Variants in BTNL9 observed in about 807,000 individuals in gnomAD.
BTNL9 encodes butyrophilin-like protein 9.
Under a neutral mutation model 45.8 loss-of-function variants are expected in BTNL9, and 45 were observed. That is an observed-to-expected ratio of 0.98 (90% CI 0.77 to 1.26). The LOEUF is 1.26. Among genes scored for constraint, BTNL9 ranks in the 50% most tolerant of loss-of-function variants. BTNL9 has a pLI of 0.00. For synonymous variants in BTNL9, 346 were observed against 330.8 expected, an observed-to-expected ratio of 1.05 and a Z score of -0.50; for missense variants, 784 against 729.7, an observed-to-expected ratio of 1.07 and a Z score of -0.86.
rs189248343 is a variant in BTNL9, at chr5:181,048,718, T to C, written c.454+447T>C. Among the ~76,000 whole-genome samples the C allele has an allele frequency of 7.7e-4, 89 of 115,814 alleles. 3 individuals carry two copies. The Admixed American group carries it at 9.1e-3, about 12-fold the overall frequency. The allele number at this position is 115,814 out of a possible 152,430, so 76.0% of individuals were successfully genotyped here. On this transcript the variant is annotated intron_variant, in intron 3 of 10. Transcript: ENST00000327705. ...GGTGACAACTCTGTCTTGAAATATA[T>C]ATATATATCTATATATATATCTATC...
chr5:181,061,393 C>CT lies in BTNL9; in HGVS notation c.*1532dup. On this transcript the variant is annotated 3_prime_UTR_variant, in exon 11 of 11. Coordinates refer to ENST00000327705, the MANE Select transcript of BTNL9 (RefSeq NM_152547.5). ...GCGGGGAGAAGGATACACCAAAAAA[C>CT]TAAGTGATTATCTTTGGATGGGAAA... 6.6e-6 allele frequency: 1 copy of CT among 152,250 alleles called. No homozygotes were observed. Among genetic ancestry groups the CT allele is most frequent in the African/African-American group, 2.4e-5 (1 of 41,548 alleles). The allele number at this position is 152,250 out of a possible 1,614,324, so 9.4% of individuals were successfully genotyped here. A position where few individuals can be genotyped will look rare whatever the true frequency, so the allele number is the denominator to read the frequency against.
rs7379015 is a variant in BTNL9 at position 181,059,224 on chromosome 5, T to G, written c.983-13T>G. 1,300,151 of 1,525,504 alleles carry G rather than the reference T, an allele frequency of 0.85. 555,612 individuals are homozygous for G. Among genetic ancestry groups the G allele is most frequent in the Admixed American group, 0.87 (43,584 of 50,078 alleles). The allele number at this position is 1,525,504 out of a possible 1,614,324, so 94.5% of individuals were successfully genotyped here. ...CCGTCCCGGGCGGGCACTAACGCTG[T>G]GGCTCTGCGCAGTGGATGTGACGCT... On this transcript the variant is annotated splice_polypyrimidine_tract_variant and intron_variant, in intron 10 of 10. Coordinates refer to ENST00000327705, the MANE Select transcript of BTNL9 (RefSeq NM_152547.5).
At position 181,050,318 on chromosome 5, in the gene BTNL9, AT is replaced by A; in HGVS notation, c.686del (p.Ile229ThrfsTer6). 1 of 1,614,108 alleles carries A rather than the reference AT, an allele frequency of 6.2e-7. No individual in the cohort carries two copies. ...AGCCCTCAGCAATGTGTCCGTCTCC[AT>A]CCAGAATCTCCTCTTGAGCCAGAAG... is the stretch of plus-strand genomic sequence containing the variant. ...AGALSNVSVS[I>X]QNLLLSQKKE... On this transcript the variant is annotated frameshift_variant, in exon 4 of 11. Coordinates refer to ENST00000327705, the MANE Select transcript of BTNL9 (RefSeq NM_152547.5). LOFTEE classifies it high-confidence loss of function. This position sits in a 1 kb window ranked among gnomAD's most constrained non-coding sequence, Gnocchi z 4.9.
chr5:181,049,175 G>A (rs1190643146), intron 3 of BTNL9, among the ~76,000 whole-genome samples: 2 of 151,990 alleles, frequency 1.3e-5, no homozygotes, highest in East Asian at 3.8e-4. Flanking sequence ...AGGACTAGCT[G>A]TGTGGCTACC....
chr5:181,050,122 C>T lies in BTNL9; in HGVS notation c.489C>T (p.Gly163=). 6.2e-7 allele frequency: 1 copy of T among 1,614,032 alleles called. No homozygotes were observed. The highest frequency in any genetic ancestry group is 8.5e-7 in the Non-Finnish European group (1 of 1,180,028). The change falls in exon 4 of 11, where the codon GGC becomes GGT. Residue 163 remains glycine, a synonymous_variant. Transcript: ENST00000327705. This position sits in a 1 kb window ranked among gnomAD's most constrained non-coding sequence, Gnocchi z 4.9. ...LGSDPHLSLE[G]FKEGGIQLRL... is the part of the protein sequence containing the mutation. Reference sequence around the variant, plus strand: ...CAGACCCTCACCTCTCCCTTGAGGGCTTCAAGGAAGGAGGCATTCAGCTGA... The same window carrying T: ...CAGACCCTCACCTCTCCCTTGAGGGTTTCAAGGAAGGAGGCATTCAGCTGA...
intron 10 of BTNL9, 78 bp from the exon 11 acceptor site, chr5:181,059,159 A>G: frequency 7.1e-7 from 1 of 1,401,328 alleles, no homozygotes; most frequent in East Asian, 2.9e-5. Flanking sequence ...GAGAAACGAG[A>G]GGTTTGTCCG....
At chr5:181,048,782 TTAA>T (rs1334722415) in intron 3 of BTNL9, among the ~76,000 whole-genome samples, 7 of 110,922 alleles carry the variant, frequency 6.3e-5, no homozygotes, top group Non-Finnish European at 1.1e-4. Context: ...ATGCTATATA[TTAA>T]TTATATAGTT....
chr5:181,059,193 C>A, intron 10 of BTNL9, 44 bp from the exon 11 acceptor site: 1 of 1,470,264 alleles, frequency 6.8e-7, no homozygotes, highest in Non-Finnish European at 9.0e-7. Flanking sequence ...ACGGACGGGG[C>A]CCAGACCGTC....
chr5:181,057,297 T>G (rs572758422), intron 9 of BTNL9: 13 of 152,058 alleles, frequency 8.5e-5, no homozygotes, highest in African/African-American at 3.1e-4. Context: ...CTTTCAACTA[T>G]CTTTATGTTA....
chr5:181,055,902 G>T lies in BTNL9; in HGVS notation c.929-87G>T, dbSNP rs779670144. 2.6e-6 allele frequency: 4 copies of T among 1,526,436 alleles called. No individual in the cohort carries two copies. The South Asian group carries it at 4.5e-5, about 17-fold the overall frequency. 94.6% of individuals were successfully genotyped at this position (1,526,436 alleles called of 1,614,324 possible). A position where few individuals can be genotyped will look rare whatever the true frequency, so the allele number is the denominator to read the frequency against. On this transcript the variant is annotated intron_variant, in intron 8 of 10. Coordinates refer to ENST00000327705, the MANE Select transcript of BTNL9 (RefSeq NM_152547.5). This position sits in a 1 kb window ranked among gnomAD's most constrained non-coding sequence, Gnocchi z 4.4. ...GCTATGTGGGTGGTGGGGGGTGCGG[G>T]ACAGGGTGGGTGCAAGATGTGATGT...
intron 2 of BTNL9, among the ~76,000 whole-genome samples, chr5:181,046,994 G>A (rs1167637764): frequency 6.6e-6 from 1 of 152,188 alleles, no homozygotes; most frequent in Non-Finnish European, 1.5e-5. Context: ...GGGCAATGAG[G>A]TGCCTCAAAT....
chr5:181,059,026 C>A (rs1762022102), intron 10 of BTNL9: 1 of 391,038 alleles, frequency 2.6e-6, no homozygotes, highest in Non-Finnish European at 3.5e-6. Flanking sequence ...CAGGAAAGGA[C>A]AGGATTCCTT....
Position 181,050,173 on chromosome 5 carries a change from C to G in BTNL9, c.540C>G (p.Pro180=). Residue 180 remains proline, a synonymous_variant, in exon 4 of 11, where the codon CCC becomes CCG. Coordinates refer to ENST00000327705, the MANE Select transcript of BTNL9 (RefSeq NM_152547.5). The surrounding 1 kb of genome is among the most constrained non-coding windows in gnomAD (Gnocchi z 4.9). ...GGCTCAGATCCAGTGGCTGGTACCC[C>G]AAGCCTAAGGTTCAGTGGAGAGACC... is the stretch of plus-strand genomic sequence containing the variant. ...QLRLRSSGWY[P]KPKVQWRDHQ... 1 of 1,614,064 alleles carries G rather than the reference C, an allele frequency of 6.2e-7. No individual in the cohort carries two copies. Among genetic ancestry groups the G allele is most frequent in the Non-Finnish European group, 8.5e-7 (1 of 1,180,040 alleles).
intron 10 of BTNL9, 133 bp downstream of exon 10, chr5:181,058,511 CA>C: frequency 8.3e-7 from 1 of 1,208,618 alleles, no homozygotes; most frequent in Admixed American, 1.7e-5. Flanking sequence ...ACAAGACACA[CA>C]CGCACACTTG....
intron 9 of BTNL9, 122 bp downstream of exon 9, chr5:181,056,137 G>A: frequency 9.2e-7 from 1 of 1,088,724 alleles, no homozygotes; most frequent in Non-Finnish European, 1.4e-6. Flanking sequence ...CACAGCATGT[G>A]TTAATCTATG....
At chr5:181,054,216 CTT>C (rs368154215) in intron 6 of BTNL9, 21 bp from the exon 7 acceptor site, 2,025 of 1,532,482 alleles carry the variant, frequency 1.3e-3, no homozygotes, top group Admixed American at 2.1e-3. Flanking sequence ...TTTTCTTCAT[CTT>C]TTTTTTTTTT....
At position 181,058,332 on chromosome 5, in the gene BTNL9, C is replaced by T. The variant is rs1324011668; in HGVS notation, c.956-20C>T. 4 of 1,614,016 alleles carry T rather than the reference C, an allele frequency of 2.5e-6. No individual in the cohort carries two copies. Among genetic ancestry groups the T allele is most frequent in the Non-Finnish European group, 3.4e-6 (4 of 1,179,940 alleles). On this transcript the variant is annotated intron_variant, in intron 9 of 10. Coordinates refer to ENST00000327705, the MANE Select transcript of BTNL9 (RefSeq NM_152547.5). ...GACTGAGATTTCTGAGCTTTTTTCC[C>T]CTTTTCTGTTTGGTTTCAGAGTGGA...
In BTNL9 at chr5:181,053,896, G is replaced by C; in HGVS notation, c.887-343G>C. On this transcript the variant is annotated intron_variant, in intron 6 of 10. Coordinates refer to ENST00000327705, the MANE Select transcript of BTNL9 (RefSeq NM_152547.5). This position sits in a 1 kb window ranked among gnomAD's most constrained non-coding sequence, Gnocchi z 6.5. Reference sequence around the variant, plus strand: ...TCTCCGCACAGGGTCAGGAAGCGGCGGTCAGGCACCGAGAAAACAGCCCAG... The same window carrying C: ...TCTCCGCACAGGGTCAGGAAGCGGCCGTCAGGCACCGAGAAAACAGCCCAG... 6.6e-7 allele frequency: 1 copy of C among 1,506,766 alleles called. No homozygotes were observed. The highest frequency in any genetic ancestry group is 1.2e-5 in the South Asian group (1 of 82,946). The allele number at this position is 1,506,766 out of a possible 1,614,324, so 93.3% of individuals were successfully genotyped here. A position where few individuals can be genotyped will look rare whatever the true frequency, so the allele number is the denominator to read the frequency against.
intron 1 of BTNL9, among the ~76,000 whole-genome samples, chr5:181,043,089 T>TA (rs1760864908): frequency 6.6e-6 from 1 of 152,036 alleles, no homozygotes; most frequent in Admixed American, 6.6e-5. Flanking sequence ...GACCTATTAG[T>TA]AATAATAATA....
Sources: allele counts gnomAD v4.1 joint callset (sites outside exome capture counted in the v4.1 genomes callset), GRCh38; gene constraint gnomAD v4.1.1; non-coding constraint Gnocchi (gnomAD v3.1); transcripts MANE v1.5; gene names NCBI Gene and HGNC (gene_info 2026-07-23, HGNC 2026-07-21).